THEMIS: variants seen among roughly 807,000 people sequenced by gnomAD.
THEMIS encodes protein THEMIS.
In THEMIS, 37 loss-of-function variants were observed where a neutral mutation model predicts 52.6. That is an observed-to-expected ratio of 0.70 (90% CI 0.54 to 0.93). THEMIS has a LOEUF of 0.93. Among genes scored for constraint, THEMIS ranks in the 40% least tolerant of loss-of-function variants. THEMIS has a pLI of 0.00. For synonymous variants in THEMIS, 292 were observed against 272.7 expected (o/e 1.07, Z -0.70); for missense variants, 808 against 763.1 (o/e 1.06, Z -0.69).
chr6:127,771,175 A>C (rs1258868114), intron 4 of THEMIS, among the ~76,000 whole-genome samples: 1 of 152,210 alleles, frequency 6.6e-6, no homozygotes, highest in Non-Finnish European at 1.5e-5. Context: ...AATTGCTACA[A>C]AAAGAATAAA....
At chr6:127,728,636 T>C (rs959972285) in intron 4 of THEMIS, among the ~76,000 whole-genome samples, 2 of 152,128 alleles carry the variant, frequency 1.3e-5, no homozygotes, top group African/African-American at 2.4e-5. Flanking sequence ...TATGCAAAGG[T>C]AAAGGTATTG....
intron 1 of THEMIS, among the ~76,000 whole-genome samples, chr6:127,912,823 G>T (rs952046979): frequency 4.6e-5 from 7 of 152,144 alleles, no homozygotes; most frequent in African/African-American, 1.7e-4. Flanking sequence ...TTGTATACCT[G>T]TTTGTATTTT....
intron 4 of THEMIS, among the ~76,000 whole-genome samples, chr6:127,789,168 CA>C (rs2114516537): frequency 6.6e-6 from 1 of 152,070 alleles, no homozygotes; most frequent in African/African-American, 2.4e-5. Context: ...ATCAAATAGA[CA>C]CAATAAAAAA....
chr6:127,715,217 A>G (rs1276774967), intron 5 of THEMIS, among the ~76,000 whole-genome samples: 2 of 151,884 alleles, frequency 1.3e-5, no homozygotes, highest in East Asian at 3.9e-4. Context: ...TGTAAAATAA[A>G]TTCTACTAAT....
intron 1 of THEMIS, among the ~76,000 whole-genome samples, chr6:127,878,125 C>T (rs942360257): frequency 2.0e-5 from 3 of 152,150 alleles, no homozygotes; most frequent in Non-Finnish European, 4.4e-5. Context: ...TTTAGTAAGG[C>T]TGCTTCATGG....
chr6:127,720,807 A>C (rs1435509877), intron 4 of THEMIS, among the ~76,000 whole-genome samples: 1 of 152,048 alleles, frequency 6.6e-6, no homozygotes, highest in Non-Finnish European at 1.5e-5. Flanking sequence ...CACTTGAGTT[A>C]ACAAAATGAA....
chr6:127,816,595 A>G (rs929046452), intron 3 of THEMIS, among the ~76,000 whole-genome samples: 4 of 152,182 alleles, frequency 2.6e-5, no homozygotes, highest in African/African-American at 7.2e-5. Context: ...ATCTTACATC[A>G]GGACTATCCT....
At chr6:127,907,819 T>G (rs531758024) in intron 1 of THEMIS, among the ~76,000 whole-genome samples, 1 of 132,362 alleles carries the variant, frequency 7.6e-6, no homozygotes, top group African/African-American at 2.9e-5. Context: ...TCCAACCATA[T>G]GTACATTCTT....
At chr6:127,744,074 G>A (rs1465046683) in intron 4 of THEMIS, among the ~76,000 whole-genome samples, 1 of 152,056 alleles carries the variant, frequency 6.6e-6, no homozygotes, top group African/African-American at 2.4e-5. Flanking sequence ...CCCTAGAACA[G>A]ACTGTTTATT....
intron 1 of THEMIS, among the ~76,000 whole-genome samples, chr6:127,877,978 T>C (rs755111893): frequency 1.3e-5 from 2 of 152,342 alleles, no homozygotes; most frequent in Non-Finnish European, 2.9e-5. Flanking sequence ...TGAGATACAC[T>C]AATCAGAAAT....
intron 4 of THEMIS, among the ~76,000 whole-genome samples, chr6:127,734,896 A>AAAATATATAT (rs1554216674): frequency 1.5e-5 from 1 of 65,446 alleles, no homozygotes; most frequent in African/African-American, 5.5e-5. Flanking sequence ...AAAAAAAAAA[A>AAAATATATAT]ATATATATAT....
intron 1 of THEMIS, among the ~76,000 whole-genome samples, chr6:127,915,686 A>G (rs775420936): frequency 2.0e-5 from 3 of 152,124 alleles, no homozygotes; most frequent in Non-Finnish European, 4.4e-5. Context: ...GTAGAAGCAC[A>G]TGAGAAAAAA....
At chr6:127,800,624 C>CG (rs1777499859) in intron 4 of THEMIS, among the ~76,000 whole-genome samples, 1 of 152,142 alleles carries the variant, frequency 6.6e-6, no homozygotes, top group Non-Finnish European at 1.5e-5. Flanking sequence ...AGGAGGTTAA[C>CG]GTTTGAGTCA....
downstream of THEMIS, among the ~76,000 whole-genome samples, chr6:127,704,275 C>T (rs568579475): frequency 3.1e-4 from 47 of 152,198 alleles, no homozygotes; most frequent in African/African-American, 9.4e-4. Context: ...TATGAGGTAA[C>T]GCAAATGACT....
chr6:127,769,636 A>G (rs745725412), intron 4 of THEMIS, among the ~76,000 whole-genome samples: 1 of 152,048 alleles, frequency 6.6e-6, no homozygotes, highest in Non-Finnish European at 1.5e-5. Context: ...GCTTACATAT[A>G]TATATATTTA....
chr6:127,755,412 A>T (rs890563717), intron 4 of THEMIS, among the ~76,000 whole-genome samples: 2 of 152,186 alleles, frequency 1.3e-5, no homozygotes, highest in African/African-American at 4.8e-5. Flanking sequence ...AATGGTTAAC[A>T]TTTCACATTT....
At chr6:127,827,094 T>C (rs185782989) in intron 3 of THEMIS, among the ~76,000 whole-genome samples, 52 of 152,254 alleles carry the variant, frequency 3.4e-4, no homozygotes, top group Middle Eastern at 6.8e-3. Context: ...ATCTTGCTCT[T>C]TCCCCTAAGG....
rs1222880705 is a variant in THEMIS at position 127,800,118 on chromosome 6, A to G, written c.1758+12765T>C. 2.6e-5 allele frequency among the ~76,000 whole-genome samples: 4 copies of G among 152,170 alleles called. No individual in the cohort carries two copies. The East Asian group carries it at 7.7e-4, about 29-fold the overall frequency. ...TGTTGATGAGCTTTTTCTCATCTGT[A>G]AAATTGGGATAATAATAATTAGGGA... On this transcript the variant is annotated intron_variant, in intron 4 of 5. Coordinates refer to ENST00000368248, the MANE Select transcript of THEMIS (RefSeq NM_001010923.3).
intron 1 of THEMIS, among the ~76,000 whole-genome samples, chr6:127,860,703 A>G (rs1413012648): frequency 6.6e-6 from 1 of 152,120 alleles, no homozygotes; most frequent in African/African-American, 2.4e-5. Context: ...ATAAAATCAG[A>G]TTAAATAAGT....
Sources: gnomAD v4.1 joint callset for allele counts (sites outside exome capture counted in the v4.1 genomes callset) on GRCh38, gnomAD v4.1.1 for gene constraint, MANE v1.5 for transcripts, NCBI Gene and HGNC (gene_info 2026-07-23, HGNC 2026-07-21) for gene names.